The following CHRM3 variants were observed in gnomAD, a reference collection of about 807,000 sequenced individuals.
CHRM3 encodes cholinergic receptor muscarinic 3.
CHRM3 carries 11 observed loss-of-function variants against 41.8 expected under a neutral mutation model. That is an observed-to-expected ratio of 0.26 (90% CI 0.17 to 0.44). The LOEUF is 0.44. Among genes scored for constraint, CHRM3 ranks in the 20% least tolerant of loss-of-function variants. The pLI, the probability that CHRM3 is intolerant of heterozygous loss-of-function variation, is 1.00. For synonymous variants in CHRM3, 297 were observed against 301.4 expected, an observed-to-expected ratio of 0.99 and a Z score of 0.15; for missense variants, 571 against 745.4, an observed-to-expected ratio of 0.77 and a Z score of 2.72.
chr1:239,823,985 T>C (rs1481399955), intron 5 of CHRM3, among the ~76,000 whole-genome samples: 1 of 152,044 alleles, frequency 6.6e-6, no homozygotes, highest in Admixed American at 6.6e-5. Context: ...GAATAATAAC[T>C]GTCGAAAGGA....
At chr1:239,486,987 A>G (rs962044880) in intron 1 of CHRM3, among the ~76,000 whole-genome samples, 1 of 152,242 alleles carries the variant, frequency 6.6e-6, no homozygotes, top group African/African-American at 2.4e-5. Context: ...AGATTTTGAC[A>G]TTTATTGCAA....
intron 2 of CHRM3, among the ~76,000 whole-genome samples, chr1:239,529,636 CA>C (rs370540951): frequency 0.47 from 66,200 of 140,146 alleles, 16,127 homozygotes; most frequent in Middle Eastern, 0.64. Context: ...AAAAAACAAA[CA>C]AACAACAACA....
chr1:239,644,642 G>A lies in CHRM3; in HGVS notation c.-250+12356G>A, dbSNP rs190269836. On this transcript the variant is annotated intron_variant, in intron 4 of 6. Coordinates refer to ENST00000676153, the MANE Select transcript of CHRM3 (RefSeq NM_001375978.1). ...ATCAGCCTGTCCCTTGGAGAGGGTTGTGATGAGAGAGATGAGAAGAAAGCC... is the reference window on the plus strand; with the variant it reads ...ATCAGCCTGTCCCTTGGAGAGGGTTATGATGAGAGAGATGAGAAGAAAGCC... Among the ~76,000 whole-genome samples the A allele has an allele frequency of 6.8e-4, 103 of 152,284 alleles. 1 individual carries two copies. The highest frequency in any genetic ancestry group is 2.2e-3 in the African/African-American group (91 of 41,564).
At chr1:239,443,046 G>T (rs1318619285) in intron 1 of CHRM3, among the ~76,000 whole-genome samples, 3 of 152,182 alleles carry the variant, frequency 2.0e-5, no homozygotes, top group Non-Finnish European at 4.4e-5. Flanking sequence ...GCTGTGCCAT[G>T]TATTTATTAC....
chr1:239,887,596 G>C (rs1339923684), intron 6 of CHRM3, among the ~76,000 whole-genome samples: 1 of 152,168 alleles, frequency 6.6e-6, no homozygotes. Context: ...TGGGCAAGTT[G>C]AATTTCCTTT....
chr1:239,745,810 T>C (rs555383665), intron 5 of CHRM3, among the ~76,000 whole-genome samples: 1 of 152,130 alleles, frequency 6.6e-6, no homozygotes, highest in Non-Finnish European at 1.5e-5. Context: ...TTTATGCAGC[T>C]GTTACTTTTT....
rs537796312 is a variant in CHRM3 at position 239,457,121 on chromosome 1, C to T, written c.-520-35588C>T. Reference sequence around the variant, plus strand: ...TTGCATCATCCTTTCTCAGGTCAAACCAGTGAAACCATTGGAATCTACACT... The same window carrying T: ...TTGCATCATCCTTTCTCAGGTCAAATCAGTGAAACCATTGGAATCTACACT... On this transcript the variant is annotated intron_variant, in intron 1 of 6. Transcript: ENST00000676153. Among the ~76,000 whole-genome samples, 25 of 151,390 alleles carry T rather than the reference C, an allele frequency of 1.7e-4. No homozygotes were observed. In the South Asian group the frequency reaches 3.8e-3, roughly 23 times the overall value.
chr1:239,579,516 C>A (rs1478245039), intron 3 of CHRM3, among the ~76,000 whole-genome samples: 4 of 152,098 alleles, frequency 2.6e-5, no homozygotes, highest in Non-Finnish European at 5.9e-5. Context: ...CTTTGAGTAC[C>A]TATAAAGGCA....
intron 1 of CHRM3, among the ~76,000 whole-genome samples, chr1:239,406,170 G>T (rs189919150): frequency 3.3e-4 from 50 of 152,276 alleles, no homozygotes; most frequent in African/African-American, 1.1e-3. Context: ...GATTACAGGC[G>T]TGAGCCACCG....
intron 5 of CHRM3, among the ~76,000 whole-genome samples, chr1:239,771,462 A>T (rs1433322731): frequency 1.3e-5 from 2 of 152,244 alleles, no homozygotes; most frequent in East Asian, 3.8e-4. Context: ...CTCCACTTCT[A>T]GCAAACTCTC....
chr1:239,473,106 C>T (rs1186043212), intron 1 of CHRM3, among the ~76,000 whole-genome samples: 2 of 151,826 alleles, frequency 1.3e-5, no homozygotes, highest in African/African-American at 4.8e-5. Context: ...TCCATTTCCT[C>T]AAACCAACTT....
rs568748272 is a variant in CHRM3, at chr1:239,906,034, A to C, written c.-19-1399A>C. Among the ~76,000 whole-genome samples the C allele has an allele frequency of 2.0e-5, 3 of 152,338 alleles. No homozygotes were observed. The South Asian group carries it at 6.2e-4, about 32-fold the overall frequency. ...TGATTCTGTTATACAGAAAATTATC[A>C]TTCCCATTTTTCAATGAGAAAACTT... On this transcript the variant is annotated intron_variant, in intron 6 of 6. Transcript: ENST00000676153.
At chr1:239,582,812 T>C (rs1214028209) in intron 3 of CHRM3, among the ~76,000 whole-genome samples, 1 of 152,160 alleles carries the variant, frequency 6.6e-6, no homozygotes, top group Non-Finnish European at 1.5e-5. Context: ...CAAAATCACA[T>C]GGGATCGAGC....
chr1:239,842,718 C>T (rs1446590104), intron 6 of CHRM3, among the ~76,000 whole-genome samples: 1 of 152,076 alleles, frequency 6.6e-6, no homozygotes, highest in African/African-American at 2.4e-5. Context: ...TCTAGGTCAC[C>T]CCAACATACA....
chr1:239,409,212 G>T (rs1026288278), intron 1 of CHRM3, among the ~76,000 whole-genome samples: 1 of 152,190 alleles, frequency 6.6e-6, no homozygotes, highest in African/African-American at 2.4e-5. Context: ...CTTGGGGCTT[G>T]CTGGGACTTA....
chr1:239,677,363 A>G (rs1658114820), intron 4 of CHRM3, among the ~76,000 whole-genome samples: 1 of 152,234 alleles, frequency 6.6e-6, no homozygotes. Context: ...TGAATCGGTA[A>G]AGTGGGTGAT....
At chr1:239,683,751 A>G (rs1434358057) in intron 5 of CHRM3, among the ~76,000 whole-genome samples, 2 of 152,180 alleles carry the variant, frequency 1.3e-5, no homozygotes, top group East Asian at 1.9e-4. Flanking sequence ...CAGGTAATAT[A>G]TTACCTAAGT....
At chr1:239,558,223 C>A (rs1660547147) in intron 3 of CHRM3, among the ~76,000 whole-genome samples, 1 of 152,148 alleles carries the variant, frequency 6.6e-6, no homozygotes, top group Non-Finnish European at 1.5e-5. Flanking sequence ...ATTTGCATTT[C>A]TCTAATGATC....
intron 1 of CHRM3, among the ~76,000 whole-genome samples, chr1:239,439,713 G>A (rs376652488): frequency 1.3e-5 from 2 of 152,226 alleles, no homozygotes. Flanking sequence ...ATCTATTATG[G>A]TCATTGCATA....
Sources: allele counts gnomAD v4.1 joint callset (sites outside exome capture counted in the v4.1 genomes callset), GRCh38; gene constraint gnomAD v4.1.1; transcripts MANE v1.5; gene names NCBI Gene and HGNC (gene_info 2026-07-23, HGNC 2026-07-21).